RNF121: variants seen among roughly 807,000 people sequenced by gnomAD.
The protein encoded by RNF121 is ring finger protein 121.
A neutral mutation model predicts 46.5 loss-of-function variants in RNF121; 21 were observed. The observed-to-expected ratio is 0.45, with a 90% CI of 0.32 to 0.65. The LOEUF (loss-of-function observed/expected upper bound fraction) is 0.65. RNF121 is among the 30% of genes least tolerant of loss of function. RNF121 has a pLI of 0.04. For missense variants in RNF121, 346 were observed against 416.0 expected (o/e 0.83, Z 1.46); for synonymous variants, 139 against 144.7 (o/e 0.96, Z 0.28).
intron 3 of RNF121, among the ~76,000 whole-genome samples, chr11:71,970,074 T>C (rs1158879496): frequency 6.6e-6 from 1 of 152,214 alleles, no homozygotes; most frequent in African/African-American, 2.4e-5. Context: ...AATTATGTCA[T>C]GTGGTACAGG....
At chr11:71,986,955 A>G in intron 4 of RNF121, 49 bp from the exon 5 acceptor site, 1 of 1,077,664 alleles carries the variant, frequency 9.3e-7, no homozygotes, top group Non-Finnish European at 1.4e-6. Context: ...AGGACCATTA[A>G]GGCCAGAATC....
rs546800219 is a variant in RNF121 at position 71,995,582 on chromosome 11, G to A, written c.863+31G>A. ...CTTTATTGGGGTCGTTGTTGGGAGTGGGCTGTGGGAAGAAAGTACTGGCCA... is the reference window on the plus strand; with the variant it reads ...CTTTATTGGGGTCGTTGTTGGGAGTAGGCTGTGGGAAGAAAGTACTGGCCA... On this transcript the variant is annotated intron_variant, in intron 8 of 8. Transcript: ENST00000361756. 4.6e-6 allele frequency: 7 copies of A among 1,533,832 alleles called. No homozygotes were observed. The Admixed American group carries it at 1.2e-4, about 25-fold the overall frequency.
intron 3 of RNF121, among the ~76,000 whole-genome samples, chr11:71,981,960 C>G (rs1954668687): frequency 6.6e-6 from 1 of 152,146 alleles, no homozygotes; most frequent in Non-Finnish European, 1.5e-5. Context: ...CACTAGAAAG[C>G]ACTTTCTGCC....
At chr11:71,976,353 T>C (rs932869185) in intron 3 of RNF121, among the ~76,000 whole-genome samples, 42 of 124,938 alleles carry the variant, frequency 3.4e-4, no homozygotes, top group Non-Finnish European at 3.6e-4. Flanking sequence ...TTCTTTTTTT[T>C]TTTTTTTTTT....
chr11:71,956,931 C>T (rs1193632160), intron 1 of RNF121, among the ~76,000 whole-genome samples: 1 of 152,164 alleles, frequency 6.6e-6, no homozygotes, highest in African/African-American at 2.4e-5. Flanking sequence ...TTTCTGTTTA[C>T]GTCTGTCTTT....
Position 71,985,034 on chromosome 11 carries a change from ATC to A in RNF121, c.399-1967_399-1966del, listed in dbSNP as rs537396704. Among the ~76,000 whole-genome samples the A allele has an allele frequency of 1.1e-3, 164 of 151,832 alleles. 1 individual carries two copies. Among genetic ancestry groups the A allele is most frequent in the African/African-American group, 3.6e-3 (147 of 41,400 alleles). ...CCTCCTAGGCTCAACCAATTTTCCCATCTCAGTCTCTGTAGTAGCTGGGACTA... is the reference window on the plus strand; with the variant it reads ...CCTCCTAGGCTCAACCAATTTTCCCATCAGTCTCTGTAGTAGCTGGGACTA... On this transcript the variant is annotated intron_variant, in intron 4 of 8. Coordinates refer to ENST00000361756, the MANE Select transcript of RNF121 (RefSeq NM_018320.5).
intron 3 of RNF121, among the ~76,000 whole-genome samples, chr11:71,978,766 C>T (rs142471229): frequency 2.3e-3 from 347 of 152,282 alleles, no homozygotes; most frequent in Middle Eastern, 6.8e-3. Context: ...CTCATTTAAC[C>T]CATACAACCT....
chr11:71,970,657 C>CATTT (rs1214638742), intron 3 of RNF121, among the ~76,000 whole-genome samples: 1 of 151,852 alleles, frequency 6.6e-6, no homozygotes, highest in African/African-American at 2.4e-5. Context: ...GTGAGACTGT[C>CATTT]ATTTAAAAAA....
intron 1 of RNF121, among the ~76,000 whole-genome samples, chr11:71,937,801 G>T (rs1283878331): frequency 6.6e-6 from 1 of 152,064 alleles, no homozygotes; most frequent in East Asian, 1.9e-4. Context: ...GGCTTTATTT[G>T]GTCTGAAATC....
intron 1 of RNF121, among the ~76,000 whole-genome samples, chr11:71,955,062 T>C (rs1461716515): frequency 6.6e-6 from 1 of 152,072 alleles, no homozygotes; most frequent in Non-Finnish European, 1.5e-5. Flanking sequence ...TGGAAACAAA[T>C]AAACATAAAC....
intron 1 of RNF121, among the ~76,000 whole-genome samples, chr11:71,937,146 C>T (rs896266149): frequency 6.6e-6 from 1 of 152,164 alleles, no homozygotes; most frequent in African/African-American, 2.4e-5. Context: ...GCTCCCGTAG[C>T]GCCCTGTACA....
chr11:71,995,295 T>A (rs1954952322), intron 7 of RNF121, 155 bp from the exon 8 acceptor site: 1 of 647,174 alleles, frequency 1.5e-6, no homozygotes, highest in Non-Finnish European at 2.7e-6. Flanking sequence ...TCATTATCCT[T>A]ACTTCACATG....
intron 2 of RNF121, among the ~76,000 whole-genome samples, chr11:71,957,996 A>T (rs1466728687): frequency 6.6e-6 from 1 of 152,248 alleles, no homozygotes; most frequent in African/African-American, 2.4e-5. Context: ...ACCTGTTCAC[A>T]TGACAAACCC....
chr11:71,930,781 G>T (rs1188623837), intron 1 of RNF121, among the ~76,000 whole-genome samples: 1 of 152,208 alleles, frequency 6.6e-6, no homozygotes, highest in Non-Finnish European at 1.5e-5. Context: ...AGTTACATAT[G>T]TCAGGGTTCA....
intron 1 of RNF121, among the ~76,000 whole-genome samples, chr11:71,935,846 CTTTTTTTT>C (rs994241423): frequency 1.7e-5 from 2 of 114,726 alleles, no homozygotes; most frequent in African/African-American, 3.2e-5. Context: ...TATTCTTTTT[CTTTTTTTT>C]TTTTTTTTTT....
At chr11:71,946,867 CT>C (rs34778760) in intron 1 of RNF121, among the ~76,000 whole-genome samples, 1,375 of 98,348 alleles carry the variant, frequency 0.014, 8 homozygotes, top group South Asian at 0.035. Flanking sequence ...TGCTCTGGCT[CT>C]TTTTTTTTTT....
At position 71,982,885 on chromosome 11, in the gene RNF121, C is replaced by T; in HGVS notation, c.368C>T (p.Thr123Ile). Reference sequence around the variant, plus strand: ...ACAGCCTTTGTTACCTTCCGAGCCACCCGAAAACCTCTAGTACAGACAACC... The same window carrying T: ...ACAGCCTTTGTTACCTTCCGAGCCATCCGAAAACCTCTAGTACAGACAACC... ...AVTAFVTFRA[T>I]RKPLVQTTPR... The change falls in exon 4 of 9, where the codon ACC becomes ATC. Residue 123 changes from threonine (T) to isoleucine (I), a missense_variant. Coordinates refer to ENST00000361756, the MANE Select transcript of RNF121 (RefSeq NM_018320.5). 1 of 1,613,000 alleles carries T rather than the reference C, an allele frequency of 6.2e-7. No individual in the cohort carries two copies. The highest frequency in any genetic ancestry group is 1.7e-5 in the Admixed American group (1 of 59,834).
chr11:71,936,113 C>CTGGGATTATAGGCG (rs1398988612), intron 1 of RNF121, among the ~76,000 whole-genome samples: 1 of 152,010 alleles, frequency 6.6e-6, no homozygotes, highest in African/African-American at 2.4e-5. Context: ...TCCCAGAGTG[C>CTGGGATTATAGGCG]TGGGATTATA....
chr11:71,944,459 G>A (rs76766472), intron 1 of RNF121, among the ~76,000 whole-genome samples: 4,950 of 152,258 alleles, frequency 0.033, 78 homozygotes, highest in East Asian at 0.078. Flanking sequence ...GGCAAGTAGG[G>A]CTTCCAAATT....
Sources: gnomAD v4.1 joint callset for allele counts (sites outside exome capture counted in the v4.1 genomes callset) on GRCh38, gnomAD v4.1.1 for gene constraint, MANE v1.5 for transcripts, NCBI Gene and HGNC (gene_info 2026-07-23, HGNC 2026-07-21) for gene names.